HSD17B11: variants seen among roughly 807,000 people sequenced by gnomAD.
HSD17B11 encodes estradiol 17-beta-dehydrogenase 11.
Under a neutral mutation model 27.8 loss-of-function variants are expected in HSD17B11, and 22 were observed. That is an observed-to-expected ratio of 0.79 (90% confidence interval 0.56 to 1.13). The LOEUF (loss-of-function observed/expected upper bound fraction) is 1.13, where lower values mean the gene tolerates loss of function less well. HSD17B11 is among the 50% of genes most tolerant of loss of function. The pLI is 0.00. For synonymous variants in HSD17B11, 117 were observed against 132.8 expected (o/e 0.88, Z 0.82); for missense variants, 314 against 351.1 (o/e 0.89, Z 0.84).
intron 5 of HSD17B11, among the ~76,000 whole-genome samples, chr4:87,341,231 G>GT (rs1186822261): frequency 5.9e-5 from 9 of 152,072 alleles, no homozygotes; most frequent in African/African-American, 9.7e-5. Flanking sequence ...GAGTGCAGTG[G>GT]TGAGATCTTG....
chr4:87,376,183 C>T (rs542201996), intron 2 of HSD17B11, among the ~76,000 whole-genome samples: 40 of 152,226 alleles, frequency 2.6e-4, no homozygotes, highest in African/African-American at 8.9e-4. Flanking sequence ...CTCTTCTTGA[C>T]CTGCTCAGGT....
chr4:87,372,746 C>T lies in HSD17B11; in HGVS notation c.520G>A (p.Ala174Thr). 1 of 1,613,752 alleles carries T rather than the reference C, an allele frequency of 6.2e-7. No individual in the cohort carries two copies. Among genetic ancestry groups the T allele is most frequent in the Non-Finnish European group, 8.5e-7 (1 of 1,179,674 alleles). Residue 174 changes from alanine (A) to threonine (T), a missense_variant, in exon 4 of 7, where the codon GCT becomes ACT. Transcript: ENST00000358290. ...AAGAAGGGGACCGAGACATGTCCAGCTGCCGAAGCCACAGTGACAATATGG... is the reference window on the plus strand; with the variant it reads ...AAGAAGGGGACCGAGACATGTCCAGTTGCCGAAGCCACAGTGACAATATGG... ...HGHIVTVASA[A>T]GHVSVPFLLA...
At position 87,358,333 on chromosome 4, in the gene HSD17B11, G is replaced by A. The variant is rs776478689; in HGVS notation, c.558-917C>T. Among the ~76,000 whole-genome samples the A allele has an allele frequency of 2.0e-5, 3 of 152,096 alleles. No homozygotes were observed. The South Asian group carries it at 6.2e-4, about 32-fold the overall frequency. On this transcript the variant is annotated intron_variant, in intron 4 of 6. Transcript: ENST00000358290. ...CTCCATGACTGTTTTGGTCACCAGT[G>A]AATCTCCAGGGCCCAGCACAGTGCT... is the stretch of plus-strand genomic sequence containing the variant.
chr4:87,346,218 A>G (rs1366026942), intron 5 of HSD17B11, among the ~76,000 whole-genome samples: 2 of 152,244 alleles, frequency 1.3e-5, no homozygotes, highest in Non-Finnish European at 2.9e-5. Context: ...ACATGATACA[A>G]CGTTCCTTCG....
At chr4:87,367,249 G>A (rs1735628021) in intron 4 of HSD17B11, among the ~76,000 whole-genome samples, 2 of 152,150 alleles carry the variant, frequency 1.3e-5, no homozygotes, top group African/African-American at 4.8e-5. Flanking sequence ...AACTTGACTT[G>A]TAAAGCCAAT....
chr4:87,345,927 AT>A (rs1265322724), intron 5 of HSD17B11, among the ~76,000 whole-genome samples: 1 of 152,230 alleles, frequency 6.6e-6, no homozygotes, highest in African/African-American at 2.4e-5. Flanking sequence ...AGAGGAGGAA[AT>A]TCTTAATTCA....
Position 87,378,881 on chromosome 4 carries a change from AATATATATATATAAATATATATAAAT to A in HSD17B11, c.318+3348_318+3373del, listed in dbSNP as rs1277928959. On this transcript the variant is annotated intron_variant, in intron 2 of 6. Coordinates refer to ENST00000358290, the MANE Select transcript of HSD17B11 (RefSeq NM_016245.5). ...AAATATATATAAATATATATATATA[AATATATATATATAAATATATATAAAT>A]ATATATATATAAATATATATAAATA... Among the ~76,000 whole-genome samples the A allele has an allele frequency of 8.2e-3, 125 of 15,286 alleles. 21 individuals are homozygous for A. Among genetic ancestry groups the A allele is most frequent in the South Asian group, 0.031 (17 of 544 alleles). The allele number at this position is 15,286 out of a possible 152,430, so 10.0% of individuals were successfully genotyped here. A position where few individuals can be genotyped will look rare whatever the true frequency, so the allele number is the denominator to read the frequency against.
intron 4 of HSD17B11, 118 bp downstream of exon 4, chr4:87,372,591 T>C (rs1236083367): frequency 9.3e-6 from 6 of 648,238 alleles, no homozygotes; most frequent in African/African-American, 7.4e-5. Context: ...CTCTCAATAA[T>C]AAACTGGAAA....
At chr4:87,342,284 A>G (rs1012509029) in intron 5 of HSD17B11, among the ~76,000 whole-genome samples, 21 of 151,430 alleles carry the variant, frequency 1.4e-4, no homozygotes, top group Admixed American at 1.4e-3. Flanking sequence ...CGAGAGGCTG[A>G]GGCAGGAGAA....
At chr4:87,379,855 T>C (rs1720085422) in intron 2 of HSD17B11, among the ~76,000 whole-genome samples, 1 of 61,888 alleles carries the variant, frequency 1.6e-5, no homozygotes, top group African/African-American at 1.2e-4. Flanking sequence ...TATATGTATA[T>C]GTATATGTAT....
At chr4:87,371,023 A>C (rs1390827902) in intron 4 of HSD17B11, among the ~76,000 whole-genome samples, 2 of 138,952 alleles carry the variant, frequency 1.4e-5, no homozygotes, top group Admixed American at 7.1e-5. Context: ...AAGTGCTGGG[A>C]TTACAGGCGT....
intron 4 of HSD17B11, among the ~76,000 whole-genome samples, chr4:87,368,655 T>G (rs1428109496): frequency 2.0e-5 from 3 of 152,008 alleles, no homozygotes; most frequent in Admixed American, 6.6e-5. Flanking sequence ...AGTCACAGGA[T>G]GAGATAGGAG....
chr4:87,353,737 G>T (rs1020629434), intron 5 of HSD17B11, among the ~76,000 whole-genome samples: 1 of 152,002 alleles, frequency 6.6e-6, no homozygotes, highest in Non-Finnish European at 1.5e-5. Flanking sequence ...TTGTAGGGGG[G>T]GCAAGGTTAA....
intron 4 of HSD17B11, among the ~76,000 whole-genome samples, chr4:87,363,513 G>T (rs1735555002): frequency 6.6e-6 from 1 of 152,134 alleles, no homozygotes; most frequent in Admixed American, 6.5e-5. Context: ...TTGGTTGCAG[G>T]TCCCTGAAAC....
At chr4:87,353,588 T>G (rs11734330) in intron 5 of HSD17B11, among the ~76,000 whole-genome samples, 27,874 of 152,110 alleles carry the variant, frequency 0.18, 2,814 homozygotes, top group African/African-American at 0.25. Flanking sequence ...CTTAGCCTCT[T>G]TTCACACTTT....
At chr4:87,376,000 T>C (rs1321525193) in intron 2 of HSD17B11, among the ~76,000 whole-genome samples, 1 of 152,192 alleles carries the variant, frequency 6.6e-6, no homozygotes, top group Admixed American at 6.5e-5. Flanking sequence ...ATTCTTCCTC[T>C]GCAAAATAGA....
At chr4:87,374,656 G>T (rs1193518627) in intron 3 of HSD17B11, 43 bp downstream of exon 3, 12 of 1,568,352 alleles carry the variant, frequency 7.7e-6, no homozygotes, top group African/African-American at 1.4e-5. Flanking sequence ...TTAATCTTTG[G>T]GATTTTCAAA....
At position 87,365,281 on chromosome 4, in the gene HSD17B11, G is replaced by A. The variant is rs574329296; in HGVS notation, c.557+7428C>T. Among the ~76,000 whole-genome samples the A allele has an allele frequency of 1.1e-4, 17 of 152,304 alleles. No homozygotes were observed. In the South Asian group the frequency reaches 2.3e-3, roughly 20 times the overall value. ...TCAATTGACTTAGAAAAGTAAGTGC[G>A]TAAATATTTTTTCAGAAAAATAGAA... On this transcript the variant is annotated intron_variant, in intron 4 of 6. Transcript: ENST00000358290.
rs114736152 is a variant in HSD17B11 at position 87,361,228 on chromosome 4, C to T, written c.558-3812G>A. The stretch of plus-strand genomic sequence containing the variant: ...CCACCAAAACCAAACCCACCAAAAC[C>T]AAAATGGCCACAAAAGTGACCTCTG... On this transcript the variant is annotated intron_variant, in intron 4 of 6. Coordinates refer to ENST00000358290, the MANE Select transcript of HSD17B11 (RefSeq NM_016245.5). 2.2e-3 allele frequency among the ~76,000 whole-genome samples: 328 copies of T among 152,208 alleles called. 2 individuals are homozygous for T. Among genetic ancestry groups the T allele is most frequent in the African/African-American group, 7.4e-3 (307 of 41,532 alleles).
Sources: gnomAD v4.1 joint callset for allele counts (sites outside exome capture counted in the v4.1 genomes callset) on GRCh38, gnomAD v4.1.1 for gene constraint, MANE v1.5 for transcripts, NCBI Gene and HGNC (gene_info 2026-07-23, HGNC 2026-07-21) for gene names.